The following LOXL2 variants were observed in gnomAD, a reference collection of about 807,000 sequenced individuals.
The protein encoded by LOXL2 is lysyl oxidase homolog 2.
A neutral mutation model predicts 93.0 loss-of-function variants in LOXL2; 70 were observed. The ratio of observed to expected loss-of-function variants is 0.75; its 90% CI spans 0.62 to 0.92. The LOEUF (loss-of-function observed/expected upper bound fraction) is 0.92. LOXL2 is among the 40% of genes least tolerant of loss of function. The probability of loss-of-function intolerance (pLI) is 0.00; values close to 1 mark genes in which losing one functional copy is unlikely to be tolerated. For missense variants in LOXL2, 973 were observed against 1,054.9 expected (o/e 0.92, Z 1.08); for synonymous variants, 438 against 413.2 (o/e 1.06, Z -0.73).
chr8:23,317,647 A>G (rs773351622), intron 8 of LOXL2, among the ~76,000 whole-genome samples: 5 of 152,206 alleles, frequency 3.3e-5, no homozygotes, highest in Non-Finnish European at 5.9e-5. Context: ...CAGTTTAAAG[A>G]GCAATTAATA....
At chr8:23,354,430 CA>C (rs1161540178) in intron 3 of LOXL2, among the ~76,000 whole-genome samples, 2 of 152,166 alleles carry the variant, frequency 1.3e-5, no homozygotes, top group Non-Finnish European at 2.9e-5. Context: ...CTGCCCCTTC[CA>C]AACTGGGGAA....
rs1174286227 is a variant in LOXL2, at chr8:23,302,014, C to T, written c.2133+13G>A. ...CCCCCTGCAGGGCTGGAACCCCTTC[C>T]CACCCACCTCACCTGGAACAGGTAG... On this transcript the variant is annotated intron_variant, in intron 12 of 13. Transcript: ENST00000389131. The T allele has an allele frequency of 6.2e-7, 1 of 1,613,938 alleles. No homozygotes were observed. Among genetic ancestry groups the T allele is most frequent in the Admixed American group, 1.7e-5 (1 of 60,016 alleles).
At chr8:23,366,982 C>T (rs745753898) in intron 2 of LOXL2, among the ~76,000 whole-genome samples, 1 of 152,172 alleles carries the variant, frequency 6.6e-6, no homozygotes, top group Non-Finnish European at 1.5e-5. Flanking sequence ...ACAGACTGAG[C>T]TCTAGGTTCA....
chr8:23,364,276 A>C (rs1804358791), intron 2 of LOXL2: 2 of 152,198 alleles, frequency 1.3e-5, no homozygotes, highest in Admixed American at 6.5e-5. Context: ...GGGCGGTTCT[A>C]GGTACAATCC....
At chr8:23,391,629 C>A (rs1002319910) in intron 1 of LOXL2, among the ~76,000 whole-genome samples, 1 of 152,106 alleles carries the variant, frequency 6.6e-6, no homozygotes, top group Non-Finnish European at 1.5e-5. Flanking sequence ...TATTGAAGTC[C>A]ACAAAAGGCA....
intron 1 of LOXL2, among the ~76,000 whole-genome samples, chr8:23,380,406 A>AAG (rs779284344): frequency 1.0e-4 from 13 of 128,490 alleles, no homozygotes; most frequent in African/African-American, 1.8e-4. Context: ...AAAAAAAAAA[A>AAG]AAAAAGACAT....
chr8:23,400,200 G>C (rs904870981), intron 1 of LOXL2, among the ~76,000 whole-genome samples: 3 of 152,224 alleles, frequency 2.0e-5, no homozygotes, highest in African/African-American at 7.2e-5. Context: ...CTCTGGTGTT[G>C]TATTAGTCTG....
intron 3 of LOXL2, among the ~76,000 whole-genome samples, chr8:23,346,168 T>TAA (rs1410334274): frequency 8.7e-4 from 110 of 126,456 alleles, no homozygotes; most frequent in African/African-American, 1.2e-3. Context: ...AAAAATAAAA[T>TAA]AAAATAAATA....
intron 5 of LOXL2, 120 bp from the exon 6 acceptor site, chr8:23,328,685 G>C: frequency 2.4e-6 from 2 of 832,024 alleles, no homozygotes; most frequent in Non-Finnish European, 3.9e-6. Context: ...CAGTCTGGGA[G>C]CTGCAACTAT....
chr8:23,351,950 A>G (rs530680812), intron 3 of LOXL2, among the ~76,000 whole-genome samples: 1 of 152,178 alleles, frequency 6.6e-6, no homozygotes, highest in South Asian at 2.1e-4. Flanking sequence ...AGCTGGGACT[A>G]CAGGTGTACA....
At chr8:23,378,274 C>G (rs1804623374) in intron 1 of LOXL2, among the ~76,000 whole-genome samples, 1 of 152,218 alleles carries the variant, frequency 6.6e-6, no homozygotes, top group Admixed American at 6.5e-5. Flanking sequence ...GGCCCCCACT[C>G]TCTTCTGGTT....
At chr8:23,373,648 C>T (rs981225918) in intron 1 of LOXL2, among the ~76,000 whole-genome samples, 1 of 152,206 alleles carries the variant, frequency 6.6e-6, no homozygotes, top group Non-Finnish European at 1.5e-5. Flanking sequence ...CTGTTCTCAA[C>T]GCTCTAGTGT....
chr8:23,320,676 G>A (rs1803479950), intron 7 of LOXL2, among the ~76,000 whole-genome samples: 1 of 152,216 alleles, frequency 6.6e-6, no homozygotes, highest in African/African-American at 2.4e-5. Context: ...GCGGGGCCAA[G>A]GTGGGAGGAT....
chr8:23,332,674 TAC>T lies in LOXL2; in HGVS notation c.966+725_966+726del, dbSNP rs564511530. The stretch of plus-strand genomic sequence containing the variant: ...ACGCTCATACACCCCCCCACACTCA[TAC>T]ACACACTCATACACCCCCCACACAC... On this transcript the variant is annotated intron_variant, in intron 5 of 13. Transcript: ENST00000389131. Among the ~76,000 whole-genome samples, 71 of 5,574 alleles carry T rather than the reference TAC, an allele frequency of 0.013. No homozygotes were observed. The East Asian group carries it at 0.18, about 14-fold the overall frequency. 3.7% of individuals were successfully genotyped at this position (5,574 alleles called of 152,430 possible).
At chr8:23,311,852 G>A (rs1323159665) in intron 9 of LOXL2, among the ~76,000 whole-genome samples, 1 of 152,222 alleles carries the variant, frequency 6.6e-6, no homozygotes, top group Non-Finnish European at 1.5e-5. Context: ...ATTGTAACGG[G>A]AGGAACCTGT....
intron 3 of LOXL2, among the ~76,000 whole-genome samples, chr8:23,343,494 C>T (rs2117184381): frequency 6.6e-6 from 1 of 152,364 alleles, no homozygotes; most frequent in Non-Finnish European, 1.5e-5. Context: ...AGGAACCCAG[C>T]ACCCCGACTG....
chr8:23,351,134 G>C lies in LOXL2; in HGVS notation c.531+8956C>G, dbSNP rs1035941010. Among the ~76,000 whole-genome samples the C allele has an allele frequency of 3.3e-5, 5 of 152,322 alleles. No individual in the cohort carries two copies. In the East Asian group the frequency reaches 5.8e-4, roughly 18 times the overall value. ...TCCCTTTATCCTCATGTCTAGTGTA[G>C]GGTCTGGTGCTGAATCAAAATGTAT... On this transcript the variant is annotated intron_variant, in intron 3 of 13. Coordinates refer to ENST00000389131, the MANE Select transcript of LOXL2 (RefSeq NM_002318.3).
At chr8:23,320,400 G>C (rs954963729) in intron 7 of LOXL2, among the ~76,000 whole-genome samples, 1 of 152,154 alleles carries the variant, frequency 6.6e-6, no homozygotes, top group Non-Finnish European at 1.5e-5. Context: ...CAAGACTCCT[G>C]CCTGGGCACT....
At chr8:23,328,014 C>T (rs927554484) in intron 6 of LOXL2, among the ~76,000 whole-genome samples, 2 of 149,902 alleles carry the variant, frequency 1.3e-5, no homozygotes, top group Non-Finnish European at 3.0e-5. Context: ...CTGGTGAACT[C>T]GGAGGCCCTC....
Sources: allele counts gnomAD v4.1 joint callset (sites outside exome capture counted in the v4.1 genomes callset), GRCh38; gene constraint gnomAD v4.1.1; transcripts MANE v1.5; gene names NCBI Gene and HGNC (gene_info 2026-07-23, HGNC 2026-07-21).